Variants in ARFGEF1 observed in about 807,000 individuals in gnomAD.
The protein encoded by ARFGEF1 is brefeldin A-inhibited guanine nucleotide-exchange protein 1.
In ARFGEF1, 42 loss-of-function variants were observed where a neutral mutation model predicts 231.0. The ratio of observed to expected loss-of-function variants is 0.18; its 90% CI spans 0.14 to 0.24. The LOEUF is 0.24. Ranked by LOEUF, ARFGEF1 falls within the 10% of genes least tolerant of loss-of-function variation. The probability of loss-of-function intolerance (pLI) is 1.00; values close to 1 mark genes in which losing one functional copy is unlikely to be tolerated. For synonymous variants in ARFGEF1, 710 were observed against 732.3 expected (o/e 0.97, Z 0.49); for missense variants, 1,345 against 2,192.0 (o/e 0.61, Z 7.72).
At chr8:67,240,116 GT>G in intron 20 of ARFGEF1, 45 bp downstream of exon 20, 1 of 1,592,908 alleles carries the variant, frequency 6.3e-7, no homozygotes, top group Non-Finnish European at 8.5e-7. Context: ...AATGGCATAG[GT>G]AATTAATGTT....
rs778543938 is a variant in ARFGEF1, at chr8:67,257,862, T to C, written c.2442-46A>G. On this transcript the variant is annotated intron_variant, in intron 16 of 38. Transcript: ENST00000262215. ...TGTTATAAACTTCTACTGTTTTATA[T>C]AGTTTCATTTAAATAAGTCACCTCA... 17 of 1,478,346 alleles carry C rather than the reference T, an allele frequency of 1.1e-5. No homozygotes were observed. In the Admixed American group the frequency reaches 1.2e-4, roughly 11 times the overall value. The allele number at this position is 1,478,346 out of a possible 1,614,324, so 91.6% of individuals were successfully genotyped here. A position where few individuals can be genotyped will look rare whatever the true frequency, so the allele number is the denominator to read the frequency against.
chr8:67,194,038 A>G (rs1297124420), downstream of ARFGEF1, among the ~76,000 whole-genome samples: 2 of 151,168 alleles, frequency 1.3e-5, no homozygotes, highest in Non-Finnish European at 2.9e-5. Flanking sequence ...CCATGGACAA[A>G]GTCTCAGAAG....
intron 33 of ARFGEF1, among the ~76,000 whole-genome samples, chr8:67,212,042 A>C (rs1587050894): frequency 6.6e-6 from 1 of 151,744 alleles, no homozygotes; most frequent in African/African-American, 2.4e-5. Context: ...TGGACCCTGG[A>C]GTCCAACAGA....
downstream of ARFGEF1, among the ~76,000 whole-genome samples, chr8:67,196,454 A>ATAAT (rs1011252454): frequency 2.0e-5 from 3 of 152,212 alleles, no homozygotes; most frequent in East Asian, 1.9e-4. Flanking sequence ...AGTCATTCAA[A>ATAAT]TAATTGTGAC....
chr8:67,205,712 G>T (rs528540238), intron 34 of ARFGEF1, among the ~76,000 whole-genome samples: 1 of 152,084 alleles, frequency 6.6e-6, no homozygotes, highest in Admixed American at 6.5e-5. Context: ...AAAAAAATGT[G>T]CCAGGCATGG....
chr8:67,197,950 T>C lies in ARFGEF1; in HGVS notation c.*984A>G. 1.0e-6 allele frequency: 1 copy of C among 985,848 alleles called. No individual in the cohort carries two copies. The highest frequency in any genetic ancestry group is 1.2e-6 in the Non-Finnish European group (1 of 829,922). The allele number at this position is 985,848 out of a possible 1,614,324, so 61.1% of individuals were successfully genotyped here. Reference sequence around the variant, plus strand: ...ATGCCAGATTTGTTATTTTAATATATTCAACGTTAAATTCTGTACATAGAG... The same window carrying C: ...ATGCCAGATTTGTTATTTTAATATACTCAACGTTAAATTCTGTACATAGAG... On this transcript the variant is annotated 3_prime_UTR_variant, in exon 39 of 39. Coordinates refer to ENST00000262215, the MANE Select transcript of ARFGEF1 (RefSeq NM_006421.5).
intron 1 of ARFGEF1, among the ~76,000 whole-genome samples, chr8:67,309,719 G>A (rs945988896): frequency 2.6e-5 from 4 of 152,186 alleles, no homozygotes; most frequent in Admixed American, 6.5e-5. Context: ...TAGCATCAGA[G>A]TCTCAGATTC....
At chr8:67,271,974 G>A (rs776386419) in intron 9 of ARFGEF1, 38 bp from the exon 10 acceptor site, 3 of 1,339,782 alleles carry the variant, frequency 2.2e-6, no homozygotes, top group Non-Finnish European at 3.1e-6. Context: ...TATGAACAAG[G>A]TTGGCATTAT....
intron 19 of ARFGEF1, among the ~76,000 whole-genome samples, chr8:67,243,501 C>T (rs1469098695): frequency 6.6e-6 from 1 of 152,068 alleles, no homozygotes; most frequent in African/African-American, 2.4e-5. Flanking sequence ...AAGACCTGCC[C>T]CCATGATTCA....
intron 1 of ARFGEF1, among the ~76,000 whole-genome samples, chr8:67,329,659 T>C (rs893298443): frequency 6.6e-6 from 1 of 150,642 alleles, no homozygotes; most frequent in South Asian, 2.1e-4. Context: ...AAAAAAAAAA[T>C]TTTTGTTTTC....
intron 19 of ARFGEF1, among the ~76,000 whole-genome samples, chr8:67,246,449 G>T (rs1250669304): frequency 6.7e-6 from 1 of 150,082 alleles, no homozygotes; most frequent in Admixed American, 6.7e-5. Flanking sequence ...TCAGTAACAA[G>T]AATAATTTTA....
intron 7 of ARFGEF1, among the ~76,000 whole-genome samples, chr8:67,278,664 G>C (rs1272952294): frequency 1.3e-5 from 2 of 151,982 alleles, no homozygotes; most frequent in Non-Finnish European, 2.9e-5. Context: ...TGGCCAACAT[G>C]GTGAAACCTC....
intron 34 of ARFGEF1, among the ~76,000 whole-genome samples, chr8:67,210,740 A>G (rs1310998155): frequency 6.6e-6 from 1 of 152,140 alleles, no homozygotes; most frequent in Non-Finnish European, 1.5e-5. Context: ...GGATGTCCAA[A>G]TTAGGATAAA....
At chr8:67,258,327 T>C (rs1840526134) in intron 15 of ARFGEF1, 37 bp from the exon 16 acceptor site, 7 of 1,430,710 alleles carry the variant, frequency 4.9e-6, no homozygotes, top group Non-Finnish European at 5.7e-6. Flanking sequence ...GATATTTTCT[T>C]TCTTTTTTTT....
chr8:67,277,188 T>G (rs1805349103), intron 8 of ARFGEF1, 94 bp downstream of exon 8: 2 of 1,233,472 alleles, frequency 1.6e-6, no homozygotes, highest in Non-Finnish European at 2.3e-6. Flanking sequence ...TCAGGCAGCA[T>G]CATCAGCTGA....
rs781542992 is a variant in ARFGEF1 at position 67,226,155 on chromosome 8, C to T, written c.3945G>A (p.Ala1315=). Residue 1315 remains alanine (A), a synonymous_variant, in exon 28 of 39, where the codon GCG becomes GCA. Coordinates refer to ENST00000262215, the MANE Select transcript of ARFGEF1 (RefSeq NM_006421.5). ...VTLVFEKHFP[A]TIDSFQDAVK... is the part of the protein sequence containing the mutation. ...CTGCATCCTGGAAAGAATCAATGGTCGCTGGAAAGTGTTTTTCAAATACAA... is the reference window on the plus strand; with the variant it reads ...CTGCATCCTGGAAAGAATCAATGGTTGCTGGAAAGTGTTTTTCAAATACAA... The T allele has an allele frequency of 1.3e-5, 21 of 1,607,348 alleles. No homozygotes were observed. The African/African-American group carries it at 1.3e-4, about 10-fold the overall frequency.
At chr8:67,295,681 T>C (rs1165559412) in intron 5 of ARFGEF1, among the ~76,000 whole-genome samples, 1 of 152,162 alleles carries the variant, frequency 6.6e-6, no homozygotes, top group Non-Finnish European at 1.5e-5. Context: ...TGTGGGATCC[T>C]GGGTCAAATC....
At chr8:67,256,815 TC>T (rs1259377291) in intron 17 of ARFGEF1, among the ~76,000 whole-genome samples, 1 of 152,234 alleles carries the variant, frequency 6.6e-6, no homozygotes, top group East Asian at 1.9e-4. Flanking sequence ...AAAGAACATT[TC>T]TAGATATCAG....
chr8:67,338,034 T>C (rs934622176), intron 1 of ARFGEF1, among the ~76,000 whole-genome samples: 16 of 152,242 alleles, frequency 1.1e-4, no homozygotes, highest in African/African-American at 3.6e-4. Context: ...AGGAATATTA[T>C]GACAAATATT....
Sources: allele counts gnomAD v4.1 joint callset (sites outside exome capture counted in the v4.1 genomes callset), GRCh38; gene constraint gnomAD v4.1.1; transcripts MANE v1.5; gene names NCBI Gene and HGNC (gene_info 2026-07-23, HGNC 2026-07-21).